The following DSCAM variants were observed in gnomAD, a reference collection of about 807,000 sequenced individuals.
The protein encoded by DSCAM is DS cell adhesion molecule.
In DSCAM, 47 loss-of-function variants were observed where a neutral mutation model predicts 217.7. The observed-to-expected ratio is 0.22, with a 90% CI of 0.17 to 0.28. The LOEUF is 0.28. DSCAM is among the 10% of genes least tolerant of loss of function. The pLI is 1.00. For missense variants in DSCAM, 2,080 were observed against 2,618.3 expected (o/e 0.79, Z 4.49); for synonymous variants, 1,056 against 1,015.3 (o/e 1.04, Z -0.76).
intron 1 of DSCAM, among the ~76,000 whole-genome samples, chr21:40,750,450 T>G (rs1192172067): frequency 6.6e-6 from 1 of 152,176 alleles, no homozygotes; most frequent in African/African-American, 2.4e-5. Flanking sequence ...GATTTCTACG[T>G]TTTGAAGGAT....
intron 3 of DSCAM, among the ~76,000 whole-genome samples, chr21:40,688,705 C>A (rs2090509173): frequency 6.6e-6 from 1 of 152,160 alleles, no homozygotes. Flanking sequence ...ACGACCCCAC[C>A]CCCATCCATC....
At chr21:40,136,714 G>T (rs1460242582) in intron 18 of DSCAM, among the ~76,000 whole-genome samples, 1 of 152,112 alleles carries the variant, frequency 6.6e-6, no homozygotes, top group East Asian at 1.9e-4. Flanking sequence ...AGAGTGCAGG[G>T]TGTCCACCTC....
intron 3 of DSCAM, among the ~76,000 whole-genome samples, chr21:40,552,856 T>C (rs2146163512): frequency 6.6e-6 from 1 of 152,372 alleles, no homozygotes; most frequent in South Asian, 2.1e-4. Flanking sequence ...AGCTTTCATT[T>C]CACCCAATAT....
intron 3 of DSCAM, among the ~76,000 whole-genome samples, chr21:40,433,936 A>G (rs1049254903): frequency 6.6e-6 from 1 of 152,214 alleles, no homozygotes; most frequent in Non-Finnish European, 1.5e-5. Context: ...GAAGTGGATA[A>G]TATCACCTGC....
At chr21:40,495,832 T>A (rs1375461748) in intron 3 of DSCAM, among the ~76,000 whole-genome samples, 4 of 152,000 alleles carry the variant, frequency 2.6e-5, no homozygotes, top group East Asian at 3.8e-4. Flanking sequence ...TACAAAAAAA[T>A]TACAGAATAC....
At chr21:40,080,070 T>C in intron 25 of DSCAM, 82 bp downstream of exon 25, 1 of 1,242,108 alleles carries the variant, frequency 8.1e-7, no homozygotes, top group South Asian at 1.4e-5. Flanking sequence ...ACGTAAAACA[T>C]GATGGATCTT....
chr21:40,058,980 A>G (rs1017758425), intron 28 of DSCAM, among the ~76,000 whole-genome samples: 8 of 152,188 alleles, frequency 5.3e-5, no homozygotes, highest in African/African-American at 1.9e-4. Context: ...TAAAATGAGA[A>G]GAAGAGGAGA....
At chr21:40,588,499 GA>G (rs1248510919) in intron 3 of DSCAM, among the ~76,000 whole-genome samples, 1 of 152,144 alleles carries the variant, frequency 6.6e-6, no homozygotes, top group African/African-American at 2.4e-5. Flanking sequence ...TGGTGATGAG[GA>G]AAAACTGTGG....
chr21:40,739,492 G>A (rs144831846), intron 1 of DSCAM, among the ~76,000 whole-genome samples: 1 of 152,254 alleles, frequency 6.6e-6, no homozygotes, highest in African/African-American at 2.4e-5. Context: ...CTCTTCCTGG[G>A]GCCTCTCTCT....
At chr21:40,724,281 T>A (rs1263803538) in intron 1 of DSCAM, among the ~76,000 whole-genome samples, 1 of 152,240 alleles carries the variant, frequency 6.6e-6, no homozygotes, top group East Asian at 1.9e-4. Flanking sequence ...GTAAAGCACA[T>A]GAATAAACCA....
intron 3 of DSCAM, among the ~76,000 whole-genome samples, chr21:40,620,428 G>A (rs564040723): frequency 5.7e-5 from 8 of 141,482 alleles, no homozygotes; most frequent in Admixed American, 2.1e-4. Flanking sequence ...AGAGAAGAGG[G>A]AGGGGGAAGG....
chr21:40,569,738 G>C (rs2837712), intron 3 of DSCAM, among the ~76,000 whole-genome samples: 75,333 of 151,976 alleles, frequency 0.5, 18,915 homozygotes, highest in Admixed American at 0.57. Flanking sequence ...AGACCTTTCA[G>C]GAGCTTCAAT....
intron 3 of DSCAM, among the ~76,000 whole-genome samples, chr21:40,680,226 G>A (rs1235659806): frequency 6.6e-6 from 1 of 152,120 alleles, no homozygotes; most frequent in African/African-American, 2.4e-5. Flanking sequence ...ATGGGGTATG[G>A]ACCTAGACAC....
At chr21:40,762,699 T>A (rs779092634) in intron 1 of DSCAM, among the ~76,000 whole-genome samples, 1 of 152,158 alleles carries the variant, frequency 6.6e-6, no homozygotes, top group Non-Finnish European at 1.5e-5. Context: ...TGAACATCGA[T>A]GCAAAAATCC....
At position 40,110,370 on chromosome 21, in the gene DSCAM, G is replaced by A. The variant is rs367567722; in HGVS notation, c.3696+13825C>T. The stretch of plus-strand genomic sequence containing the variant: ...ACCTGAGGGTCCTGACTGTCAGAAG[G>A]AAAACTAACAAACAGAAAGGACATC... On this transcript the variant is annotated intron_variant, in intron 20 of 32. Coordinates refer to ENST00000400454, the MANE Select transcript of DSCAM (RefSeq NM_001389.5). 4.6e-5 allele frequency among the ~76,000 whole-genome samples: 7 copies of A among 152,138 alleles called. No individual in the cohort carries two copies. The East Asian group carries it at 1.3e-3, about 29-fold the overall frequency.
At chr21:40,195,939 T>C (rs1568994012) in intron 11 of DSCAM, among the ~76,000 whole-genome samples, 1 of 152,252 alleles carries the variant, frequency 6.6e-6, no homozygotes, top group Non-Finnish European at 1.5e-5. Flanking sequence ...ATGCACAGTG[T>C]TGAATCAAAA....
intron 20 of DSCAM, among the ~76,000 whole-genome samples, chr21:40,123,761 G>A (rs993323141): frequency 6.8e-6 from 1 of 147,284 alleles, no homozygotes; most frequent in Non-Finnish European, 1.5e-5. Flanking sequence ...GGAAAGAAGG[G>A]AGGGATAGGG....
chr21:40,118,682 C>A (rs149134594), intron 20 of DSCAM, among the ~76,000 whole-genome samples: 1 of 152,332 alleles, frequency 6.6e-6, no homozygotes, highest in Non-Finnish European at 1.5e-5. Flanking sequence ...CCCTTTCCTG[C>A]CTCTGATTCA....
intron 3 of DSCAM, among the ~76,000 whole-genome samples, chr21:40,606,335 T>C (rs1280185491): frequency 6.6e-6 from 1 of 152,192 alleles, no homozygotes; most frequent in East Asian, 1.9e-4. Flanking sequence ...CTGCTGGAGC[T>C]GCCAGGTGGG....
Sources: allele counts gnomAD v4.1 joint callset (sites outside exome capture counted in the v4.1 genomes callset), GRCh38; gene constraint gnomAD v4.1.1; transcripts MANE v1.5; gene names NCBI Gene and HGNC (gene_info 2026-07-23, HGNC 2026-07-21).